The following SNTG2 variants were observed in gnomAD, a reference collection of about 807,000 sequenced individuals.
SNTG2 encodes gamma-2-syntrophin.
Under a neutral mutation model 70.9 loss-of-function variants are expected in SNTG2, and 74 were observed. The observed-to-expected ratio is 1.04, with a 90% CI of 0.86 to 1.27. The LOEUF (loss-of-function observed/expected upper bound fraction) is 1.27. Among genes scored for constraint, SNTG2 ranks in the 50% most tolerant of loss-of-function variants. SNTG2 has a pLI of 0.00. For synonymous variants in SNTG2, 278 were observed against 273.8 expected (o/e 1.02, Z -0.15); for missense variants, 717 against 690.7 (o/e 1.04, Z -0.43).
rs575996998 is a variant in SNTG2, at chr2:1,045,496, A to G, written c.73-38022A>G. The stretch of plus-strand genomic sequence containing the variant: ...TAGGTTCTTACTGTGAGGTCTTTCT[A>G]ACTTTTTGATTTGGGTGTTTAGCAC... On this transcript the variant is annotated intron_variant, in intron 1 of 16. Transcript: ENST00000308624. Among the ~76,000 whole-genome samples, 14 of 151,734 alleles carry G rather than the reference A, an allele frequency of 9.2e-5. No individual in the cohort carries two copies. The South Asian group carries it at 2.7e-3, about 29-fold the overall frequency.
At chr2:1,279,310 A>T (rs1448791090) in intron 14 of SNTG2, among the ~76,000 whole-genome samples, 1 of 152,264 alleles carries the variant, frequency 6.6e-6, no homozygotes, top group Non-Finnish European at 1.5e-5. Flanking sequence ...TGATGCTGGT[A>T]TACAGTAATA....
intron 1 of SNTG2, among the ~76,000 whole-genome samples, chr2:998,189 G>A (rs1661755076): frequency 6.6e-6 from 1 of 152,074 alleles, no homozygotes; most frequent in South Asian, 2.1e-4. Flanking sequence ...AAAATAACAA[G>A]AAGGCATAGT....
At chr2:1,192,605 A>C (rs4511756) in intron 8 of SNTG2, among the ~76,000 whole-genome samples, 11,687 of 152,166 alleles carry the variant, frequency 0.077, 644 homozygotes, top group East Asian at 0.21. Context: ...TAATAATAAT[A>C]ATCATCATCA....
intron 6 of SNTG2, among the ~76,000 whole-genome samples, chr2:1,145,914 G>T (rs866324910): frequency 6.6e-6 from 1 of 152,160 alleles, no homozygotes. Flanking sequence ...GGAAATTAAT[G>T]TAATTTATCA....
intron 9 of SNTG2, among the ~76,000 whole-genome samples, chr2:1,226,780 C>T (rs1287056210): frequency 2.6e-5 from 4 of 152,218 alleles, no homozygotes; most frequent in East Asian, 1.9e-4. Flanking sequence ...TAAATTTAGC[C>T]TGTAAGAATC....
chr2:1,092,207 A>C (rs182157237), intron 2 of SNTG2, among the ~76,000 whole-genome samples: 1 of 152,122 alleles, frequency 6.6e-6, no homozygotes, highest in East Asian at 1.9e-4. Context: ...TTTTTCTATA[A>C]ATTTCTAATT....
intron 8 of SNTG2, among the ~76,000 whole-genome samples, chr2:1,206,493 G>A (rs989744853): frequency 2.6e-5 from 4 of 152,134 alleles, no homozygotes; most frequent in Admixed American, 6.5e-5. Flanking sequence ...CAGTAGATGG[G>A]AGCATTTGAC....
intron 12 of SNTG2, among the ~76,000 whole-genome samples, chr2:1,257,973 T>C (rs1678217473): frequency 1.3e-5 from 2 of 152,194 alleles, no homozygotes; most frequent in African/African-American, 4.8e-5. Context: ...CCCTTTATAT[T>C]TACAGCCTTC....
intron 11 of SNTG2, among the ~76,000 whole-genome samples, chr2:1,245,604 C>T (rs1337418126): frequency 6.6e-6 from 1 of 152,196 alleles, no homozygotes; most frequent in East Asian, 1.9e-4. Context: ...GCTAAATTTG[C>T]TAGAAAAAGA....
chr2:1,337,680 A>C (rs1321431532), intron 16 of SNTG2, among the ~76,000 whole-genome samples: 1 of 152,122 alleles, frequency 6.6e-6, no homozygotes, highest in Non-Finnish European at 1.5e-5. Flanking sequence ...TGATGCACAA[A>C]AGTTATTAAT....
At chr2:1,085,287 T>C (rs1664612933) in intron 2 of SNTG2, among the ~76,000 whole-genome samples, 1 of 152,244 alleles carries the variant, frequency 6.6e-6, no homozygotes, top group Non-Finnish European at 1.5e-5. Flanking sequence ...AAACACTAAA[T>C]GTTTTTATGC....
rs375150237 is a variant in SNTG2, at chr2:1,137,662, C to A, written c.366C>A (p.Leu122=). 6.2e-7 allele frequency: 1 copy of A among 1,613,364 alleles called. No individual in the cohort carries two copies. The highest frequency in any genetic ancestry group is 1.7e-5 in the Admixed American group (1 of 59,816). The change falls in exon 5 of 17, where the codon CTC becomes CTA. Residue 122 remains leucine, a synonymous_variant. Coordinates refer to ENST00000308624, the MANE Select transcript of SNTG2 (RefSeq NM_018968.4). The part of the protein sequence containing the change: ...TGMLFVGDAV[L]QVNGIHVENA... ...TGTTGTTCGTAGGAGATGCTGTTCTCCAGGTCAGTATTGTACACGTTAATC... is the reference window on the plus strand; with the variant it reads ...TGTTGTTCGTAGGAGATGCTGTTCTACAGGTCAGTATTGTACACGTTAATC...
At chr2:1,299,845 C>G (rs73177776) in intron 14 of SNTG2, among the ~76,000 whole-genome samples, 2,886 of 152,334 alleles carry the variant, frequency 0.019, 97 homozygotes, top group African/African-American at 0.066. Flanking sequence ...AAAGCACCAT[C>G]TCGTGAGTTT....
intron 1 of SNTG2, among the ~76,000 whole-genome samples, chr2:965,210 CCAA>C: frequency 2.4e-5 from 3 of 123,018 alleles, no homozygotes; most frequent in Non-Finnish European, 5.7e-5. Flanking sequence ...CTCCTGGTCC[CCAA>C]TCCTCCTCCT....
At chr2:1,026,688 C>T (rs1660498033) in intron 1 of SNTG2, among the ~76,000 whole-genome samples, 1 of 152,168 alleles carries the variant, frequency 6.6e-6, no homozygotes, top group Non-Finnish European at 1.5e-5. Context: ...AGGAAACAAC[C>T]CTCGGAATAA....
chr2:1,002,187 C>CT (rs1659418344), intron 1 of SNTG2, among the ~76,000 whole-genome samples: 1 of 152,100 alleles, frequency 6.6e-6, no homozygotes, highest in African/African-American at 2.4e-5. Context: ...AAAATCTCTT[C>CT]TGGACATTGC....
At chr2:1,297,495 C>A (rs929383606) in intron 14 of SNTG2, among the ~76,000 whole-genome samples, 4 of 152,228 alleles carry the variant, frequency 2.6e-5, no homozygotes, top group African/African-American at 9.6e-5. Flanking sequence ...CCCAGCCCGG[C>A]GCCTCTGCAG....
At chr2:1,315,342 G>A (rs1414790547) in intron 15 of SNTG2, among the ~76,000 whole-genome samples, 1 of 152,164 alleles carries the variant, frequency 6.6e-6, no homozygotes, top group Non-Finnish European at 1.5e-5. Flanking sequence ...CCCGTCAATG[G>A]TCAGATGGGA....
At chr2:1,208,993 G>C in intron 8 of SNTG2, 110 bp from the exon 9 acceptor site, 1 of 1,339,574 alleles carries the variant, frequency 7.5e-7, no homozygotes. Flanking sequence ...TTTTTTATCA[G>C]TTGAAATGTG....
Sources: gnomAD v4.1 joint callset for allele counts (sites outside exome capture counted in the v4.1 genomes callset) on GRCh38, gnomAD v4.1.1 for gene constraint, MANE v1.5 for transcripts, NCBI Gene and HGNC (gene_info 2026-07-23, HGNC 2026-07-21) for gene names.